TRAK1: variants seen among roughly 807,000 people sequenced by gnomAD.
TRAK1 encodes the protein trafficking kinesin protein 1.
TRAK1 carries 33 observed loss-of-function variants against 92.1 expected under a neutral mutation model. The ratio of observed to expected loss-of-function variants is 0.36; its 90% confidence interval spans 0.27 to 0.48. The LOEUF (loss-of-function observed/expected upper bound fraction) is 0.48, where lower values mean the gene tolerates loss of function less well. TRAK1 is among the 20% of genes least tolerant of loss of function. The pLI is 0.99. For missense variants in TRAK1, 1,123 were observed against 1,257.9 expected (o/e 0.89, Z 1.62); for synonymous variants, 521 against 517.3 (o/e 1.01, Z -0.10).
At chr3:42,120,429 G>A (rs1487401977) in intron 1 of TRAK1, among the ~76,000 whole-genome samples, 3 of 130,730 alleles carry the variant, frequency 2.3e-5, no homozygotes, top group South Asian at 2.4e-4. Context: ...ATGGTGGGCC[G>A]GCAGTGTCCA....
intron 2 of TRAK1, among the ~76,000 whole-genome samples, chr3:42,148,544 C>A (rs1323985539): frequency 6.6e-6 from 1 of 152,182 alleles, no homozygotes; most frequent in South Asian, 2.1e-4. Context: ...TTCCTCACTC[C>A]TTCCCCAGAG....
chr3:42,223,414 G>A lies in TRAK1; in HGVS notation c.2539G>A (p.Val847Ile), dbSNP rs199940168. 1.2e-6 allele frequency: 2 copies of A among 1,614,190 alleles called. No homozygotes were observed. The highest frequency in any genetic ancestry group is 4.5e-5 in the East Asian group (2 of 44,864). Residue 847 changes from valine (V) to isoleucine (I), a missense_variant, in exon 16 of 16, where the codon GTC (valine) becomes ATC (isoleucine). Physicochemically the swap from Val to Ile is conservative, Grantham distance 29 (BLOSUM62 3). Around this residue, in one of 3 missense-constraint regions of TRAK1, gnomAD observed 401 missense variants for 438.9 expected, o/e 0.91. Transcript: ENST00000327628. This position sits in a 1 kb window ranked among gnomAD's most constrained non-coding sequence, Gnocchi z 6.1. The part of the protein sequence containing the change: ...SVSNLNLVDK[V>I]RRFGVAKVVN... Reference sequence around the variant, plus strand: ...CTCCAACCTCAACCTCGTGGACAAAGTCAGGAGGTTTGGGGTGGCCAAAGT... The same window carrying A: ...CTCCAACCTCAACCTCGTGGACAAAATCAGGAGGTTTGGGGTGGCCAAAGT...
At chr3:42,103,568 C>T (rs1431264410) in intron 1 of TRAK1, among the ~76,000 whole-genome samples, 1 of 152,118 alleles carries the variant, frequency 6.6e-6, no homozygotes, top group Non-Finnish European at 1.5e-5. Context: ...GGTGGGGGAT[C>T]GTTCTTGAGT....
chr3:42,062,960 A>T (rs897923422), intron 1 of TRAK1, among the ~76,000 whole-genome samples: 6 of 152,228 alleles, frequency 3.9e-5, no homozygotes, highest in African/African-American at 1.4e-4. Flanking sequence ...GGATGACATT[A>T]TCCCTGTTTT....
chr3:42,142,018 GCTA>G (rs1177436596), intron 2 of TRAK1, among the ~76,000 whole-genome samples: 1 of 152,122 alleles, frequency 6.6e-6, no homozygotes, highest in African/African-American at 2.4e-5. Context: ...ATGCCTCCCG[GCTA>G]CTCAGGAGGC....
chr3:42,110,132 A>ATAT (rs58099544), intron 1 of TRAK1, among the ~76,000 whole-genome samples: 60 of 128,166 alleles, frequency 4.7e-4, no homozygotes, highest in East Asian at 6.9e-4. Context: ...ATATATATAT[A>ATAT]AACTTTGTGT....
intron 1 of TRAK1, among the ~76,000 whole-genome samples, chr3:42,015,797 G>T (rs899531471): frequency 6.6e-6 from 1 of 152,192 alleles, no homozygotes; most frequent in African/African-American, 2.4e-5. Context: ...AGCATTTTGG[G>T]AGGCTGAGGC....
intron 1 of TRAK1, among the ~76,000 whole-genome samples, chr3:42,046,135 G>A (rs953154075): frequency 6.6e-6 from 1 of 151,962 alleles, no homozygotes; most frequent in Non-Finnish European, 1.5e-5. Flanking sequence ...ATGTCAGGCC[G>A]GTATCTAAGC....
chr3:42,116,680 T>TTA (rs1459947728), intron 1 of TRAK1, among the ~76,000 whole-genome samples: 4 of 152,192 alleles, frequency 2.6e-5, no homozygotes, highest in African/African-American at 9.6e-5. Context: ...TAATGTGTCA[T>TTA]GAGAGAGGGT....
intron 2 of TRAK1, chr3:42,160,345 T>A (rs769283794): frequency 3.1e-6 from 5 of 1,613,766 alleles, no homozygotes; most frequent in Non-Finnish European, 4.2e-6. Context: ...TGTTTTGGCT[T>A]TGGGGTGACT....
At chr3:42,044,941 C>T (rs902184044) in intron 1 of TRAK1, among the ~76,000 whole-genome samples, 1 of 152,050 alleles carries the variant, frequency 6.6e-6, no homozygotes, top group Non-Finnish European at 1.5e-5. Context: ...AAAACTTTGC[C>T]AGCTGATGCT....
At chr3:42,212,648 C>T in intron 14 of TRAK1, 1 of 724,694 alleles carries the variant, frequency 1.4e-6, no homozygotes, top group Non-Finnish European at 1.7e-6. Context: ...TACTTTATTT[C>T]AGTGATATGT....
intron 2 of TRAK1, among the ~76,000 whole-genome samples, chr3:42,150,284 G>A (rs1699814908): frequency 6.6e-6 from 1 of 152,174 alleles, no homozygotes; most frequent in Admixed American, 6.5e-5. Context: ...AAGTTGTGTG[G>A]CTGGACAGGT....
At chr3:42,076,525 C>G (rs1457591311) in intron 1 of TRAK1, among the ~76,000 whole-genome samples, 1 of 152,066 alleles carries the variant, frequency 6.6e-6, no homozygotes, top group Non-Finnish European at 1.5e-5. Context: ...CAGGCCTGGC[C>G]AGATATTAGA....
At chr3:42,014,505 G>C (rs746974239) in intron 1 of TRAK1, among the ~76,000 whole-genome samples, 1 of 152,212 alleles carries the variant, frequency 6.6e-6, no homozygotes, top group African/African-American at 2.4e-5. Flanking sequence ...GCCCTCCTTT[G>C]CATCCTTGAG....
chr3:42,110,129 T>TATAA (rs934924352), intron 1 of TRAK1, among the ~76,000 whole-genome samples: 1 of 128,500 alleles, frequency 7.8e-6, no homozygotes, highest in African/African-American at 2.9e-5. Context: ...TATATATATA[T>TATAA]ATAAACTTTG....
At chr3:42,175,431 T>C (rs954311143) in intron 2 of TRAK1, among the ~76,000 whole-genome samples, 2 of 152,202 alleles carry the variant, frequency 1.3e-5, no homozygotes, top group Non-Finnish European at 2.9e-5. Flanking sequence ...GCTACCCTTA[T>C]AAATCTCCCT....
In TRAK1 at chr3:42,110,094, G is replaced by GTGTATATATATATATATATATATA. The variant is rs1417746436; in HGVS notation, c.92-15325_92-15324insGTATATATATATATATATATATAT. ...GTGCACATGTACCCTAGAACTTAAA[G>GTGTATATATATATATATATATATA]TATATATATATATATATATATATAT... On this transcript the variant is annotated intron_variant, in intron 1 of 15. Transcript: ENST00000327628. Among the ~76,000 whole-genome samples, 20 of 83,230 alleles carry GTGTATATATATATATATATATATA rather than the reference G, an allele frequency of 2.4e-4. 1 individual carries two copies. The highest frequency in any genetic ancestry group is 3.9e-4 in the Non-Finnish European group (17 of 43,220). 54.6% of individuals were successfully genotyped at this position (83,230 alleles called of 152,430 possible). A position where few individuals can be genotyped will look rare whatever the true frequency, so the allele number is the denominator to read the frequency against.
intron 4 of TRAK1, among the ~76,000 whole-genome samples, chr3:42,187,573 T>C (rs1705075269): frequency 1.3e-5 from 2 of 152,148 alleles, no homozygotes; most frequent in African/African-American, 4.8e-5. Context: ...GTTCAAGCAA[T>C]TCTCCTGCCT....
Sources: gnomAD v4.1 joint callset for allele counts (sites outside exome capture counted in the v4.1 genomes callset) on GRCh38, gnomAD v4.1.1 for gene constraint, gnomAD v4.1.1 regional missense constraint, Gnocchi (gnomAD v3.1) non-coding constraint, MANE v1.5 for transcripts, NCBI Gene and HGNC (gene_info 2026-07-23, HGNC 2026-07-21) for gene names.